The following ODF2L variants were observed in gnomAD, a reference collection of about 807,000 sequenced individuals.
The protein encoded by ODF2L is protein BCAP.
A neutral mutation model predicts 86.3 loss-of-function variants in ODF2L; 76 were observed. That is an observed-to-expected ratio of 0.88 (90% CI 0.73 to 1.07). The LOEUF (loss-of-function observed/expected upper bound fraction) is 1.07, where lower values mean the gene tolerates loss of function less well. Among genes scored for constraint, ODF2L ranks in the 50% least tolerant of loss-of-function variants. ODF2L has a pLI of 0.00. For synonymous variants in ODF2L, 241 were observed against 231.3 expected (o/e 1.04, Z -0.38); for missense variants, 748 against 717.4 (o/e 1.04, Z -0.49).
At chr1:86,387,747 G>A (rs2101481593) in intron 1 of ODF2L, among the ~76,000 whole-genome samples, 1 of 152,206 alleles carries the variant, frequency 6.6e-6, no homozygotes, top group East Asian at 1.9e-4. Flanking sequence ...TAAGTAATGA[G>A]TTAGAGCTTT....
chr1:86,359,072 A>G (rs1396210204), intron 12 of ODF2L, among the ~76,000 whole-genome samples, 181 bp from the exon 12 acceptor site: 1 of 152,094 alleles, frequency 6.6e-6, no homozygotes, highest in East Asian at 1.9e-4. Flanking sequence ...CTAACCCACA[A>G]TCTTTGTCTG....
downstream of ODF2L, chr1:86,349,084 A>G (rs1657957357): frequency 6.5e-6 from 2 of 307,506 alleles, no homozygotes; most frequent in East Asian, 6.8e-5. Context: ...CTTCACTGAT[A>G]TAATTTATAA....
rs34652957 is a variant in ODF2L, at chr1:86,394,411, C to CAA, written c.-60+1620_-60+1621dup. Among the ~76,000 whole-genome samples, 387 of 115,522 alleles carry CAA rather than the reference C, an allele frequency of 3.4e-3. 1 individual carries two copies. The highest frequency in any genetic ancestry group is 4.7e-3 in the African/African-American group (153 of 32,532). The allele number at this position is 115,522 out of a possible 152,430, so 75.8% of individuals were successfully genotyped here. ...ACTGCGGCAGAGCGAGACTCCATCT[C>CAA]AAAAAAAAAAAAAAGCCATGAGATA... On this transcript the variant is annotated intron_variant, in intron 1 of 17. Coordinates refer to ENST00000317336, the Ensembl canonical transcript of ODF2L.
chr1:86,388,095 T>C (rs774436664), intron 1 of ODF2L, among the ~76,000 whole-genome samples: 3 of 152,064 alleles, frequency 2.0e-5, no homozygotes. Context: ...CAATGAAGTA[T>C]GGTCACATTT....
chr1:86,392,878 G>C (rs1661428274), intron 1 of ODF2L, among the ~76,000 whole-genome samples: 1 of 152,144 alleles, frequency 6.6e-6, no homozygotes, highest in African/African-American at 2.4e-5. Flanking sequence ...ATTTTAAAAT[G>C]TTTAAAGATT....
At chr1:86,378,266 C>A (rs1237029761) in intron 7 of ODF2L, among the ~76,000 whole-genome samples, 2 of 152,180 alleles carry the variant, frequency 1.3e-5, no homozygotes, top group Admixed American at 6.5e-5. Flanking sequence ...TCATCTCTAT[C>A]TGAGACCACC....
At chr1:86,353,030 T>C (rs1483957070) in intron 16 of ODF2L, 46 bp from the exon 16 acceptor site, 1 of 1,250,990 alleles carries the variant, frequency 8.0e-7, no homozygotes, top group South Asian at 1.3e-5. Context: ...TTCTTTAAAA[T>C]ATGATTTAAA....
chr1:86,350,833 G>C (rs909178863), exon 18 of ODF2L: 1 of 152,094 alleles, frequency 6.6e-6, no homozygotes, highest in African/African-American at 2.4e-5. Flanking sequence ...GTTTTGATTT[G>C]CATTTCTCTG....
chr1:86,387,212 A>G (rs1407219867), intron 1 of ODF2L, 126 bp from the exon 2 acceptor site: 1 of 443,140 alleles, frequency 2.3e-6, no homozygotes. Context: ...AAGAAGTATA[A>G]CTGCTACTCA....
In ODF2L at chr1:86,386,912, T is replaced by C; in HGVS notation, c.113+3A>G. On this transcript the variant is annotated splice_donor_region_variant and intron_variant, in intron 2 of 17. Coordinates refer to ENST00000317336, the Ensembl canonical transcript of ODF2L. ...AGATTTCCCCTGATACTGATGAGAA[T>C]ACCAGCTGAGATGACTTTCACTGGT... 1 of 1,448,420 alleles carries C rather than the reference T, an allele frequency of 6.9e-7. No homozygotes were observed. The highest frequency in any genetic ancestry group is 9.7e-7 in the Non-Finnish European group (1 of 1,033,596). 89.7% of individuals were successfully genotyped at this position (1,448,420 alleles called of 1,614,324 possible).
intron 11 of ODF2L, among the ~76,000 whole-genome samples, chr1:86,361,262 G>A (rs907298664): frequency 1.3e-5 from 2 of 152,184 alleles, no homozygotes; most frequent in African/African-American, 4.8e-5. Flanking sequence ...GTCAGCATTT[G>A]TATCAGTTTG....
At chr1:86,376,207 A>C (rs1373783858) in intron 8 of ODF2L, 26 bp downstream of exon 8, 1 of 1,368,946 alleles carries the variant, frequency 7.3e-7, no homozygotes, top group Admixed American at 1.9e-5. Context: ...AGATCTTTTA[A>C]TTTTAAAAAG....
intron 11 of ODF2L, among the ~76,000 whole-genome samples, chr1:86,362,561 G>A (rs922008256): frequency 1.3e-5 from 2 of 152,178 alleles, no homozygotes; most frequent in African/African-American, 4.8e-5. Context: ...GAAGTTGCAG[G>A]ATGACAGGCA....
At chr1:86,358,188 C>CTGGCAGCAG in intron 13 of ODF2L, 1 of 520,806 alleles carries the variant, frequency 1.9e-6, no homozygotes, top group Non-Finnish European at 2.5e-6. Flanking sequence ...CCTCTGCTGC[C>CTGGCAGCAG]AGGAGTCAGC....
chr1:86,367,254 A>G (rs1659504297), intron 11 of ODF2L, among the ~76,000 whole-genome samples: 1 of 152,232 alleles, frequency 6.6e-6, no homozygotes, highest in African/African-American at 2.4e-5. Context: ...TAATGAGGAC[A>G]GAATAAAGGC....
At chr1:86,372,708 G>A in intron 8 of ODF2L, 168 bp from the exon 9 acceptor site, 1 of 398,468 alleles carries the variant, frequency 2.5e-6, no homozygotes, top group Non-Finnish European at 4.5e-6. Flanking sequence ...ATTCATAATT[G>A]CAAAAATATG....
rs751355691 is a variant in ODF2L, at chr1:86,354,866, GA to G, written c.1519-8del. ...GATTGTGATTTCCATCAACCTAAAA[GA>G]AAAAAAAAAGTTTTCTTAGTCATTT... On this transcript the variant is annotated splice_polypyrimidine_tract_variant and splice_region_variant and intron_variant, in intron 14 of 17. Coordinates refer to ENST00000317336, the Ensembl canonical transcript of ODF2L. 1,784 of 1,441,444 alleles carry G rather than the reference GA, an allele frequency of 1.2e-3. No homozygotes were observed. The highest frequency in any genetic ancestry group is 1.5e-3 in the Middle Eastern group (7 of 4,614). The allele number at this position is 1,441,444 out of a possible 1,614,324, so 89.3% of individuals were successfully genotyped here. A position where few individuals can be genotyped will look rare whatever the true frequency, so the allele number is the denominator to read the frequency against.
intron 1 of ODF2L, among the ~76,000 whole-genome samples, chr1:86,394,904 G>A (rs992766328): frequency 2.0e-5 from 3 of 148,824 alleles, no homozygotes; most frequent in Non-Finnish European, 4.4e-5. Context: ...GCAGTGGCGC[G>A]ATCTCGGCTC....
chr1:86,367,556 A>G (rs574939440), intron 11 of ODF2L, among the ~76,000 whole-genome samples: 47 of 144,832 alleles, frequency 3.2e-4, no homozygotes, highest in East Asian at 1.2e-3. Context: ...TCAAGAAGGG[A>G]AAAAAAAAAA....
Sources: gnomAD v4.1 joint callset for allele counts (sites outside exome capture counted in the v4.1 genomes callset) on GRCh38, gnomAD v4.1.1 for gene constraint, MANE v1.5 for transcripts, NCBI Gene and HGNC (gene_info 2026-07-23, HGNC 2026-07-21) for gene names.